The following WFDC11 variants were observed in gnomAD, a reference collection of about 807,000 sequenced individuals.
WFDC11 encodes WAP four-disulfide core domain 11, also known as protein WFDC11.
Under a neutral mutation model 9.9 loss-of-function variants are expected in WFDC11, and 9 were observed. The ratio of observed to expected loss-of-function variants is 0.91; its 90% CI spans 0.55 to 1.58. The LOEUF (loss-of-function observed/expected upper bound fraction) is 1.58. WFDC11 is among the 40% of genes most tolerant of loss of function. The pLI, the probability that WFDC11 is intolerant of heterozygous loss-of-function variation, is 0.00. For synonymous variants in WFDC11, 32 were observed against 33.3 expected (o/e 0.96, Z 0.13); for missense variants, 106 against 101.7 (o/e 1.04, Z -0.18).
chr20:45,657,489 C>T (rs558172374), intron 2 of WFDC11, among the ~76,000 whole-genome samples: 28 of 151,684 alleles, frequency 1.8e-4, no homozygotes, highest in Non-Finnish European at 2.8e-4. Context: ...TGTTAAATGA[C>T]GAGTTACTGG....
At chr20:45,669,527 C>T (rs1429538062) in intron 1 of WFDC11, among the ~76,000 whole-genome samples, 3 of 152,128 alleles carry the variant, frequency 2.0e-5, no homozygotes, top group Non-Finnish European at 2.9e-5. Flanking sequence ...CTCAAAACCA[C>T]ACACTTACAT....
At chr20:45,661,915 C>G (rs1381656112) in intron 2 of WFDC11, among the ~76,000 whole-genome samples, 2 of 152,110 alleles carry the variant, frequency 1.3e-5, no homozygotes, top group East Asian at 3.9e-4. Flanking sequence ...TTTTTTGGTT[C>G]CATATGAACT....
chr20:45,653,423 T>C (rs917225658), intron 2 of WFDC11, among the ~76,000 whole-genome samples: 4 of 151,910 alleles, frequency 2.6e-5, no homozygotes, highest in African/African-American at 9.7e-5. Context: ...GAAGAGCTCC[T>C]GAAGGAAGCA....
At chr20:45,657,481 T>C (rs997388239) in intron 2 of WFDC11, among the ~76,000 whole-genome samples, 3 of 151,548 alleles carry the variant, frequency 2.0e-5, no homozygotes, top group African/African-American at 7.3e-5. Flanking sequence ...ATACCTAATG[T>C]TAAATGACGA....
chr20:45,650,434 C>A, intron 3 of WFDC11, 67 bp downstream of exon 3: 1 of 1,318,812 alleles, frequency 7.6e-7, no homozygotes, highest in Non-Finnish European at 1.1e-6. Flanking sequence ...GACAATGAAA[C>A]CCCCTCCCTT....
rs1159204648 is a variant in WFDC11, at chr20:45,650,518, C to G, written c.83G>C (p.Arg28Thr). 76 of 1,614,036 alleles carry G rather than the reference C, an allele frequency of 4.7e-5. No homozygotes were observed. The highest frequency in any genetic ancestry group is 6.2e-5 in the Non-Finnish European group (73 of 1,179,992). The change falls in exon 3 of 5, where the codon AGG (arginine) becomes ACG (threonine). Residue 28 changes from arginine to threonine, a missense_variant. Physicochemically the swap from Arg to Thr is moderately conservative, Grantham distance 71. Coordinates refer to ENST00000324384, the MANE Select transcript of WFDC11 (RefSeq NM_147197.2). ...TVLLSVLGEM[R>T]KKRYDRKELL... ...CCACCTACTGTCATATCTTTTCTTC[C>G]TCATTTCTCCCAGCACAGACAGTAG...
intron 2 of WFDC11, among the ~76,000 whole-genome samples, chr20:45,664,169 C>T (rs943470232): frequency 6.6e-6 from 1 of 152,086 alleles, no homozygotes; most frequent in Non-Finnish European, 1.5e-5. Flanking sequence ...ATCCCTTTAC[C>T]ATTATGTAAT....
chr20:45,651,343 G>A (rs570568723), intron 2 of WFDC11, among the ~76,000 whole-genome samples: 9 of 152,040 alleles, frequency 5.9e-5, no homozygotes, highest in Admixed American at 1.3e-4. Context: ...AGTACAAATC[G>A]TACTTTCAGT....
intron 1 of WFDC11, among the ~76,000 whole-genome samples, chr20:45,669,557 C>T (rs928439199): frequency 6.6e-6 from 1 of 152,172 alleles, no homozygotes; most frequent in Non-Finnish European, 1.5e-5. Flanking sequence ...AGTACATGCT[C>T]CTGTTCCTGA....
chr20:45,659,434 GT>G (rs1983005476), intron 2 of WFDC11, among the ~76,000 whole-genome samples: 1 of 152,138 alleles, frequency 6.6e-6, no homozygotes, highest in African/African-American at 2.4e-5. Context: ...TCTCATTGTG[GT>G]TTTGATTTGC....
chr20:45,660,646 A>C (rs1568663232), intron 2 of WFDC11, among the ~76,000 whole-genome samples: 2 of 151,984 alleles, frequency 1.3e-5, no homozygotes, highest in African/African-American at 4.8e-5. Context: ...ATTCCCACCT[A>C]TGAGTGAGAA....
chr20:45,650,377 C>G, intron 3 of WFDC11, 124 bp downstream of exon 3: 1 of 695,694 alleles, frequency 1.4e-6, no homozygotes, highest in African/African-American at 1.8e-5. Flanking sequence ...AATTGTCATT[C>G]TCTGATGGGT....
At chr20:45,664,551 T>A (rs1338447454) in intron 2 of WFDC11, among the ~76,000 whole-genome samples, 1 of 152,274 alleles carries the variant, frequency 6.6e-6, no homozygotes, top group African/African-American at 2.4e-5. Flanking sequence ...TTGCAGTGGC[T>A]GGTACAGATT....
chr20:45,657,356 TCTCA>T (rs1219534871), intron 2 of WFDC11, among the ~76,000 whole-genome samples: 2 of 144,864 alleles, frequency 1.4e-5, no homozygotes, highest in Non-Finnish European at 3.0e-5. Context: ...CACTGCGTGT[TCTCA>T]CTCATAGGTG....
chr20:45,666,331 G>A (rs1173796846), intron 2 of WFDC11, among the ~76,000 whole-genome samples: 1 of 152,152 alleles, frequency 6.6e-6, no homozygotes, highest in Non-Finnish European at 1.5e-5. Flanking sequence ...CATCTGTCAC[G>A]GCTTCCCTTG....
chr20:45,665,474 G>A (rs962499988), intron 2 of WFDC11, among the ~76,000 whole-genome samples: 2 of 152,178 alleles, frequency 1.3e-5, no homozygotes, highest in Non-Finnish European at 2.9e-5. Context: ...GAGGAGCTGC[G>A]ATCATTTGGA....
At chr20:45,650,062 C>T (rs1454514264) in intron 3 of WFDC11, among the ~76,000 whole-genome samples, 1 of 152,072 alleles carries the variant, frequency 6.6e-6, no homozygotes, top group Non-Finnish European at 1.5e-5. Context: ...TTAAGAAATG[C>T]CCATTTGGTA....
intron 2 of WFDC11, among the ~76,000 whole-genome samples, chr20:45,651,746 C>A (rs6130877): frequency 4.0e-5 from 6 of 148,986 alleles, no homozygotes; most frequent in Non-Finnish European, 5.9e-5. Context: ...CCTAATACTG[C>A]GCTTTTCCAA....
At chr20:45,657,346 C>A (rs953268276) in intron 2 of WFDC11, among the ~76,000 whole-genome samples, 1 of 148,916 alleles carries the variant, frequency 6.7e-6, no homozygotes, top group Admixed American at 6.8e-5. Context: ...AAAAACCAAA[C>A]ACTGCGTGTT....
Sources: gnomAD v4.1 joint callset for allele counts (sites outside exome capture counted in the v4.1 genomes callset) on GRCh38, gnomAD v4.1.1 for gene constraint, MANE v1.5 for transcripts, NCBI Gene and HGNC (gene_info 2026-07-23, HGNC 2026-07-21) for gene names.